The following ZNF729 variants were observed in gnomAD, a reference collection of about 807,000 sequenced individuals.
ZNF729 encodes zinc finger protein 729.
Under a neutral mutation model 12.2 loss-of-function variants are expected in ZNF729, and 15 were observed. The ratio of observed to expected loss-of-function variants is 1.23; its 90% CI spans 0.82 to 1.89. The LOEUF (loss-of-function observed/expected upper bound fraction) is 1.89. Ranked by LOEUF, ZNF729 falls within the 40% of genes most tolerant of loss-of-function variation. ZNF729 has a pLI of 0.00. For synonymous variants in ZNF729, 492 were observed against 476.3 expected (o/e 1.03, Z -0.43); for missense variants, 1,540 against 1,456.7 (o/e 1.06, Z -0.93).
intron 3 of ZNF729, among the ~76,000 whole-genome samples, chr19:22,311,769 G>C (rs1160150594): frequency 2.6e-5 from 4 of 152,164 alleles, no homozygotes; most frequent in African/African-American, 9.7e-5. Context: ...TTGATGACCT[G>C]TCTAGTGCTG....
At chr19:22,304,852 CA>C in intron 3 of ZNF729, 69 bp downstream of exon 3, 2 of 1,466,460 alleles carry the variant, frequency 1.4e-6, no homozygotes, top group African/African-American at 1.4e-5. Context: ...AGCCAGTTCT[CA>C]AAATGTGACC....
chr19:22,300,210 A>C (rs1017242762), intron 1 of ZNF729, among the ~76,000 whole-genome samples: 1 of 152,196 alleles, frequency 6.6e-6, no homozygotes, highest in South Asian at 2.1e-4. Flanking sequence ...ATTAGCCTGC[A>C]TGGCTAGCCT....
rs1968079596 is a variant in ZNF729 at position 22,286,537 on chromosome 19, C to A, written c.12C>A (p.Ala4=). 1 of 1,613,654 alleles carries A rather than the reference C, an allele frequency of 6.2e-7. No individual in the cohort carries two copies. The highest frequency in any genetic ancestry group is 1.3e-5 in the African/African-American group (1 of 74,846). Residue 4 remains alanine, a synonymous_variant, in exon 1 of 4, where the codon GCC becomes GCA. Coordinates refer to ENST00000601693, the MANE Select transcript of ZNF729 (RefSeq NM_001242680.2). ...GATCCACAGCTAACATGCCAGGTGC[C>A]CCTGGCAGCCTAGAAATGGTGAGAG... MPG[A]PGSLEMGPLT... is the part of the protein sequence containing the mutation.
In ZNF729 at chr19:22,314,830, A is replaced by G. The variant is rs775764095; in HGVS notation, c.1413A>G (p.Gln471=). The part of the protein sequence containing the change: ...KCEECGKAFR[Q]SSHLTRHKAI... Reference sequence around the variant, plus strand: ...AAGAATGTGGCAAAGCTTTTAGGCAATCCTCACACCTTACTAGACATAAAG... The same window carrying G: ...AAGAATGTGGCAAAGCTTTTAGGCAGTCCTCACACCTTACTAGACATAAAG... The change falls in exon 4 of 4, where the codon CAA becomes CAG. Residue 471 remains glutamine, a synonymous_variant. Transcript: ENST00000601693. 24 of 1,603,122 alleles carry G rather than the reference A, an allele frequency of 1.5e-5. No individual in the cohort carries two copies. The highest frequency in any genetic ancestry group is 4.2e-5 in the African/African-American group (3 of 71,504).
intron 2 of ZNF729, 91 bp downstream of exon 2, chr19:22,303,975 C>G: frequency 1.6e-6 from 2 of 1,272,452 alleles, no homozygotes; most frequent in Non-Finnish European, 2.1e-6. Context: ...TTTATGCTTA[C>G]TATAAATGAG....
chr19:22,291,444 C>T (rs1568570382), intron 1 of ZNF729, among the ~76,000 whole-genome samples: 1 of 152,186 alleles, frequency 6.6e-6, no homozygotes, highest in Non-Finnish European at 1.5e-5. Flanking sequence ...ATAGGTACCA[C>T]CCCCAGCAAT....
intron 3 of ZNF729, among the ~76,000 whole-genome samples, chr19:22,309,712 AT>A (rs1968427728): frequency 6.6e-6 from 1 of 151,640 alleles, no homozygotes; most frequent in Admixed American, 6.6e-5. Flanking sequence ...TTCCACATGA[AT>A]TTTAGAATCA....
chr19:22,289,614 G>C (rs1427787842), intron 1 of ZNF729, among the ~76,000 whole-genome samples: 1 of 151,998 alleles, frequency 6.6e-6, no homozygotes, highest in Non-Finnish European at 1.5e-5. Flanking sequence ...CAATTTCAAG[G>C]CTTAACTTTT....
rs1184980880 is a variant in ZNF729 at position 22,314,781 on chromosome 19, C to T, written c.1364C>T (p.Thr455Ile). 2 of 1,613,652 alleles carry T rather than the reference C, an allele frequency of 1.2e-6. No homozygotes were observed. Among genetic ancestry groups the T allele is most frequent in the African/African-American group, 1.3e-5 (1 of 74,982 alleles). Reference sequence around the variant, plus strand: ...CTTATGAAACATAAGATAATTCATACTGGGGAGAAACCATACAAATGTGAA... The same window carrying T: ...CTTATGAAACATAAGATAATTCATATTGGGGAGAAACCATACAAATGTGAA... ...STLMKHKIIH[T>I]GEKPYKCEEC... Residue 455 changes from threonine (T) to isoleucine (I), a missense_variant, in exon 4 of 4, where the codon ACT becomes ATT. Transcript: ENST00000601693.
At position 22,316,792 on chromosome 19, in the gene ZNF729, T is replaced by C. The variant is rs1968551806; in HGVS notation, c.3375T>C (p.Ile1125=). ...CAACCCTTACGAAACATAAGATAAT[T>C]CATACTGGGGAGAAACCCTACAAAT... The part of the protein sequence containing the change: ...NSSTLTKHKI[I]HTGEKPYKCE... Residue 1125 remains isoleucine (I), a synonymous_variant, in exon 4 of 4, where the codon ATT becomes ATC. Coordinates refer to ENST00000601693, the MANE Select transcript of ZNF729 (RefSeq NM_001242680.2). The C allele has an allele frequency of 8.1e-6, 13 of 1,613,316 alleles. No individual in the cohort carries two copies. The highest frequency in any genetic ancestry group is 1.1e-5 in the Non-Finnish European group (13 of 1,179,958).
rs1259840219 is a variant in ZNF729 at position 22,286,475 on chromosome 19, C to G, written c.-51C>G. 2 of 1,611,152 alleles carry G rather than the reference C, an allele frequency of 1.2e-6. No individual in the cohort carries two copies. Among genetic ancestry groups the G allele is most frequent in the Non-Finnish European group, 1.7e-6 (2 of 1,179,416 alleles). On this transcript the variant is annotated 5_prime_UTR_variant, in exon 1 of 4. Coordinates refer to ENST00000601693, the MANE Select transcript of ZNF729 (RefSeq NM_001242680.2). The stretch of plus-strand genomic sequence containing the variant: ...GGTCTCGCCTTCACTGCTGTGTGTC[C>G]TCAGCCTCTGTGGCCCTGTAACCTG...
intron 1 of ZNF729, among the ~76,000 whole-genome samples, chr19:22,290,189 T>C (rs1416327395): frequency 2.0e-5 from 3 of 152,204 alleles, no homozygotes; most frequent in East Asian, 1.9e-4. Flanking sequence ...TCTCTGCAGA[T>C]ATTCCAGCCT....
At chr19:22,312,376 A>G (rs1465032185) in intron 3 of ZNF729, among the ~76,000 whole-genome samples, 1 of 151,480 alleles carries the variant, frequency 6.6e-6, no homozygotes, top group African/African-American at 2.4e-5. Flanking sequence ...TCTGAAACCA[A>G]TTGTCTTGGC....
intron 3 of ZNF729, among the ~76,000 whole-genome samples, chr19:22,307,308 A>G (rs1434320042): frequency 7.0e-6 from 1 of 142,596 alleles, no homozygotes; most frequent in African/African-American, 2.7e-5. Context: ...GCGTGTCCAC[A>G]ATGTAGCATT....
chr19:22,315,931 C>T lies in ZNF729; in HGVS notation c.2514C>T (p.Ala838=). ...ECGKAFKHFS[A]LRKHKVIHTG... ...GCAAAGCTTTTAAGCATTTCTCAGC[C>T]CTTAGAAAACATAAGGTAATTCATA... is the stretch of plus-strand genomic sequence containing the variant. Residue 838 remains alanine, a synonymous_variant, in exon 4 of 4, where the codon GCC becomes GCT. Transcript: ENST00000601693. The T allele has an allele frequency of 1.2e-6, 2 of 1,610,188 alleles. No individual in the cohort carries two copies. The highest frequency in any genetic ancestry group is 1.7e-6 in the Non-Finnish European group (2 of 1,179,478).
chr19:22,301,107 G>A (rs572890011), intron 1 of ZNF729, among the ~76,000 whole-genome samples: 1 of 152,176 alleles, frequency 6.6e-6, no homozygotes, highest in Admixed American at 6.5e-5. Flanking sequence ...TATTAATAAT[G>A]CACACTGGAC....
intron 3 of ZNF729, among the ~76,000 whole-genome samples, chr19:22,307,485 T>G (rs923634370): frequency 1.1e-4 from 16 of 152,066 alleles, no homozygotes; most frequent in Admixed American, 6.6e-4. Flanking sequence ...GGCTTATGCC[T>G]GTAATCCCAG....
At position 22,312,477 on chromosome 19, in the gene ZNF729, T is replaced by TG. The variant is rs1491132977; in HGVS notation, c.254-1194_254-1193insG. Among the ~76,000 whole-genome samples the TG allele has an allele frequency of 8.5e-3, 1,246 of 147,362 alleles. 15 individuals carry two copies. Among genetic ancestry groups the TG allele is most frequent in the African/African-American group, 0.03 (1,194 of 40,338 alleles). ...GTGTGTGTGTGTGTGTGTGTGTGTG[T>TG]TTAGATAAAGAACGTTATTCAGGTT... On this transcript the variant is annotated intron_variant, in intron 3 of 3. Coordinates refer to ENST00000601693, the MANE Select transcript of ZNF729 (RefSeq NM_001242680.2).
intron 1 of ZNF729, among the ~76,000 whole-genome samples, chr19:22,298,187 A>ACAG (rs1388352939): frequency 1.3e-5 from 2 of 152,062 alleles, no homozygotes; most frequent in African/African-American, 4.8e-5. Flanking sequence ...TATAAATTAA[A>ACAG]CAGCATTTTC....
Sources: allele counts gnomAD v4.1 joint callset (sites outside exome capture counted in the v4.1 genomes callset), GRCh38; gene constraint gnomAD v4.1.1; transcripts MANE v1.5; gene names NCBI Gene and HGNC (gene_info 2026-07-23, HGNC 2026-07-21).